The following MMACHC variants were observed in gnomAD, a reference collection of about 807,000 sequenced individuals.
MMACHC encodes cyanocobalamin reductase / alkylcobalamin dealkylase.
A neutral mutation model predicts 17.6 loss-of-function variants in MMACHC; 14 were observed. The observed-to-expected ratio is 0.80, with a 90% CI of 0.53 to 1.25. The LOEUF (loss-of-function observed/expected upper bound fraction) is 1.25, where lower values mean the gene tolerates loss of function less well. Ranked by LOEUF, MMACHC falls within the 50% of genes most tolerant of loss-of-function variation. The pLI, the probability that MMACHC is intolerant of heterozygous loss-of-function variation, is 0.00. For synonymous variants in MMACHC, 151 were observed against 142.1 expected (o/e 1.06, Z -0.45); for missense variants, 392 against 364.5 (o/e 1.08, Z -0.62).
At chr1:45,501,444 T>C (rs1187446024) in intron 1 of MMACHC, among the ~76,000 whole-genome samples, 10 of 152,062 alleles carry the variant, frequency 6.6e-5, no homozygotes, top group Admixed American at 5.9e-4. Context: ...GAGAAGTAGG[T>C]TGGGTCTAGC....
At position 45,512,264 on chromosome 1, in the gene MMACHC, G is replaced by C. The variant is rs1484557734; in HGVS notation, c.*3049G>C. ...CCACACCTGGCTAATTTTTGAGACAGTCTCACATTGTCGCCCAGGCTGGAG... is the reference window on the plus strand; with the variant it reads ...CCACACCTGGCTAATTTTTGAGACACTCTCACATTGTCGCCCAGGCTGGAG... On this transcript the variant is annotated 3_prime_UTR_variant, in exon 4 of 4. Transcript: ENST00000401061. The C allele has an allele frequency of 1.3e-5, 2 of 150,978 alleles. No homozygotes were observed. The highest frequency in any genetic ancestry group is 1.5e-5 in the Non-Finnish European group (1 of 67,700). 9.4% of individuals were successfully genotyped at this position (150,978 alleles called of 1,614,324 possible). A position where few individuals can be genotyped will look rare whatever the true frequency, so the allele number is the denominator to read the frequency against.
chr1:45,508,503 C>A, intron 3 of MMACHC, 139 bp downstream of exon 3: 1 of 1,055,646 alleles, frequency 9.5e-7, no homozygotes, highest in Non-Finnish European at 1.4e-6. Context: ...GGGAGGCAGT[C>A]CTGTCACATG....
chr1:45,503,373 G>A (rs1192852253), intron 1 of MMACHC, among the ~76,000 whole-genome samples: 13 of 151,454 alleles, frequency 8.6e-5, no homozygotes, highest in Admixed American at 8.6e-4. Context: ...AGTCTAGCCT[G>A]GGCAAGAAGA....
chr1:45,507,840 G>A (rs1005899616), intron 2 of MMACHC, among the ~76,000 whole-genome samples: 1 of 152,152 alleles, frequency 6.6e-6, no homozygotes, highest in Admixed American at 6.6e-5. Context: ...AAGTGGAATA[G>A]GAATGAGTCC....
In MMACHC at chr1:45,509,416, GTTT is replaced by G. The variant is rs56934185; in HGVS notation, c.*215_*217del. 7.4e-5 allele frequency: 29 copies of G among 391,658 alleles called. No homozygotes were observed. Among genetic ancestry groups the G allele is most frequent in the Non-Finnish European group, 9.6e-5 (22 of 229,262 alleles). The allele number at this position is 391,658 out of a possible 1,614,324, so 24.3% of individuals were successfully genotyped here. On this transcript the variant is annotated 3_prime_UTR_variant, in exon 4 of 4. Coordinates refer to ENST00000401061, the MANE Select transcript of MMACHC (RefSeq NM_015506.3). ...AGAATTCCCATCTGCCTTCAAATGA[GTTT>G]TTTTTTTTTTTTTAGACAGAGTCTT...
Position 45,509,233 on chromosome 1 carries a change from CCT to C in MMACHC, c.*19_*20del, listed in dbSNP as rs779185730. 5 of 1,613,894 alleles carry C rather than the reference CCT, an allele frequency of 3.1e-6. No homozygotes were observed. The South Asian group carries it at 4.4e-5, about 14-fold the overall frequency. Reference sequence around the variant, plus strand: ...GCCCTTGATTTTCTCCCATGTGGACCCTGATTTATGGTGGTACTTGCTAGGAC... The same window carrying C: ...GCCCTTGATTTTCTCCCATGTGGACCGATTTATGGTGGTACTTGCTAGGAC... On this transcript the variant is annotated 3_prime_UTR_variant, in exon 4 of 4. Coordinates refer to ENST00000401061, the MANE Select transcript of MMACHC (RefSeq NM_015506.3).
At chr1:45,505,087 G>GC (rs1643601481) in intron 1 of MMACHC, among the ~76,000 whole-genome samples, 1 of 134,932 alleles carries the variant, frequency 7.4e-6, no homozygotes, top group Non-Finnish European at 1.5e-5. Context: ...CTGTACCCTA[G>GC]CCCCTGGGCG....
chr1:45,508,079 C>T, intron 2 of MMACHC, 133 bp from the exon 3 acceptor site: 1 of 1,142,722 alleles, frequency 8.8e-7, no homozygotes, highest in African/African-American at 1.5e-5. Flanking sequence ...CTGGAGCCTC[C>T]CAAGTTAAGG....
chr1:45,509,660 T>TGC lies in MMACHC; in HGVS notation c.*445_*446insGC. On this transcript the variant is annotated 3_prime_UTR_variant, in exon 4 of 4. Coordinates refer to ENST00000401061, the MANE Select transcript of MMACHC (RefSeq NM_015506.3). Reference sequence around the variant, plus strand: ...AACTCCTGACCTCGTGATCCACCCATCTTGGCCTCCCAAAGTCCTGGGATT... The same window carrying TGC: ...AACTCCTGACCTCGTGATCCACCCATGCCTTGGCCTCCCAAAGTCCTGGGATT... 2.4e-5 allele frequency: 4 copies of TGC among 164,392 alleles called. No homozygotes were observed. The highest frequency in any genetic ancestry group is 5.2e-5 in the Non-Finnish European group (4 of 76,340). The allele number at this position is 164,392 out of a possible 1,614,324, so 10.2% of individuals were successfully genotyped here.
In MMACHC at chr1:45,511,741, A is replaced by G; in HGVS notation, c.*2526A>G. 1 of 198,384 alleles carries G rather than the reference A, an allele frequency of 5.0e-6. No homozygotes were observed. The allele number at this position is 198,384 out of a possible 1,614,324, so 12.3% of individuals were successfully genotyped here. A position where few individuals can be genotyped will look rare whatever the true frequency, so the allele number is the denominator to read the frequency against. ...AAAAAGCTAAATAAACGACACACAT[A>G]GGACTATGTAAACCCTTAACACTAA... On this transcript the variant is annotated 3_prime_UTR_variant, in exon 4 of 4. Transcript: ENST00000401061.
At chr1:45,507,293 G>A (rs373235684) in intron 1 of MMACHC, 63 bp from the exon 2 acceptor site, 9 of 1,523,164 alleles carry the variant, frequency 5.9e-6, no homozygotes, top group Admixed American at 1.7e-5. Context: ...TGAAGGTTAA[G>A]GTGTGGGCCA....
rs568459545 is a variant in MMACHC at position 45,507,480 on chromosome 1, G to A, written c.206G>A (p.Ser69Asn). ...FDRALKPFLQSCHLRMLTDPV... is the reference protein window; with the variant it reads ...FDRALKPFLQNCHLRMLTDPV... Reference sequence around the variant, plus strand: ...CGGGCCCTCAAGCCCTTCTTGCAGAGCTGCCACCTCCGAATGCTGACTGAC... The same window carrying A: ...CGGGCCCTCAAGCCCTTCTTGCAGAACTGCCACCTCCGAATGCTGACTGAC... The change falls in exon 2 of 4, where the codon AGC (serine) becomes AAC (asparagine). Residue 69 changes from serine (S) to asparagine (N), a missense_variant. By Grantham distance (46) the Ser-to-Asn change is conservative. Transcript: ENST00000401061. 2 of 1,614,164 alleles carry A rather than the reference G, an allele frequency of 1.2e-6. No homozygotes were observed. Among genetic ancestry groups the A allele is most frequent in the East Asian group, 4.5e-5 (2 of 44,872 alleles).
intron 2 of MMACHC, among the ~76,000 whole-genome samples, 174 bp from the exon 3 acceptor site, chr1:45,508,038 C>T (rs544251249): frequency 1.3e-5 from 2 of 152,316 alleles, no homozygotes; most frequent in Admixed American, 6.5e-5. Context: ...AAACATGTGC[C>T]CTTCTGGAAA....
Position 45,509,943 on chromosome 1 carries a change from A to G in MMACHC, c.*728A>G, listed in dbSNP as rs1643707956. The G allele has an allele frequency of 6.6e-6, 1 of 151,808 alleles. No homozygotes were observed. The highest frequency in any genetic ancestry group is 2.1e-4 in the South Asian group (1 of 4,808). 9.4% of individuals were successfully genotyped at this position (151,808 alleles called of 1,614,324 possible). On this transcript the variant is annotated 3_prime_UTR_variant, in exon 4 of 4. Transcript: ENST00000401061. ...AAATGCAAAGTTAGCCGGGCATGGT[A>G]GCGCAGGCCTGTAGTCCCAGCTACT...
At chr1:45,506,199 T>C (rs976175857) in intron 1 of MMACHC, among the ~76,000 whole-genome samples, 1 of 152,192 alleles carries the variant, frequency 6.6e-6, no homozygotes, top group African/African-American at 2.4e-5. Flanking sequence ...ATGAACGGCA[T>C]TGAGGGTTCA....
Position 45,508,202 on chromosome 1 carries a change from A to ACTGTTC in MMACHC, c.277-8_277-3dup, listed in dbSNP as rs756072947. ...GCTGACAGTACCCTCTATTTTGTCC[A>ACTGTTC]CTGTTCCAGAGCCTCCCAGAGCTGC... On this transcript the variant is annotated splice_polypyrimidine_tract_variant and intron_variant, in intron 2 of 3. Coordinates refer to ENST00000401061, the MANE Select transcript of MMACHC (RefSeq NM_015506.3). The ACTGTTC allele has an allele frequency of 5.6e-6, 9 of 1,613,962 alleles. No individual in the cohort carries two copies. The highest frequency in any genetic ancestry group is 7.6e-6 in the Non-Finnish European group (9 of 1,179,974).
In MMACHC at chr1:45,507,447, T is replaced by C. The variant is rs756713628; in HGVS notation, c.173T>C (p.Met58Thr). ...TTCCTGGTACTCAGCACGCCTGCCATGTTTGACCGGGCCCTCAAGCCCTTC... is the reference window on the plus strand; with the variant it reads ...TTCCTGGTACTCAGCACGCCTGCCACGTTTGACCGGGCCCTCAAGCCCTTC... ...LAFLVLSTPA[M>T]FDRALKPFLQ... The change falls in exon 2 of 4, where the codon ATG becomes ACG. Residue 58 changes from methionine (M) to threonine (T), a missense_variant. Physicochemically the swap from Met to Thr is moderately conservative, Grantham distance 81. Coordinates refer to ENST00000401061, the MANE Select transcript of MMACHC (RefSeq NM_015506.3). The C allele has an allele frequency of 1.9e-6, 3 of 1,614,144 alleles. No individual in the cohort carries two copies. The highest frequency in any genetic ancestry group is 3.3e-5 in the Admixed American group (2 of 60,012).
chr1:45,503,040 T>C (rs1181594422), intron 1 of MMACHC, among the ~76,000 whole-genome samples: 1 of 152,154 alleles, frequency 6.6e-6, no homozygotes, highest in Non-Finnish European at 1.5e-5. Flanking sequence ...AGGACCCTTA[T>C]CTGACCCTGT....
At position 45,511,278 on chromosome 1, in the gene MMACHC, T is replaced by G; in HGVS notation, c.*2063T>G. The G allele has an allele frequency of 1.4e-6, 2 of 1,425,696 alleles. No homozygotes were observed. Among genetic ancestry groups the G allele is most frequent in the East Asian group, 2.4e-5 (1 of 41,656 alleles). The allele number at this position is 1,425,696 out of a possible 1,614,324, so 88.3% of individuals were successfully genotyped here. On this transcript the variant is annotated 3_prime_UTR_variant, in exon 4 of 4. Coordinates refer to ENST00000401061, the MANE Select transcript of MMACHC (RefSeq NM_015506.3). The stretch of plus-strand genomic sequence containing the variant: ...ATGGAAAAAAAAAATACAGAAGAGG[T>G]TTTGTTCTCATGGCTGCCCACCGCA...
Sources: gnomAD v4.1 joint callset for allele counts (sites outside exome capture counted in the v4.1 genomes callset) on GRCh38, gnomAD v4.1.1 for gene constraint, MANE v1.5 for transcripts, NCBI Gene and HGNC (gene_info 2026-07-23, HGNC 2026-07-21) for gene names.